The following BLVRA variants were observed in gnomAD, a reference collection of about 807,000 sequenced individuals.
The protein encoded by BLVRA is BVR A.
Under a neutral mutation model 32.8 loss-of-function variants are expected in BLVRA, and 22 were observed. The ratio of observed to expected loss-of-function variants is 0.67; its 90% confidence interval spans 0.48 to 0.96. The LOEUF is 0.96. Ranked by LOEUF, BLVRA falls within the 40% of genes least tolerant of loss-of-function variation. The pLI, the probability that BLVRA is intolerant of heterozygous loss-of-function variation, is 0.00. For missense variants in BLVRA, 323 were observed against 358.1 expected, an observed-to-expected ratio of 0.90 and a Z score of 0.79; for synonymous variants, 119 against 141.3, an observed-to-expected ratio of 0.84 and a Z score of 1.12.
At chr7:43,798,226 A>AAAT (rs1563550433) in intron 5 of BLVRA, among the ~76,000 whole-genome samples, 3 of 141,602 alleles carry the variant, frequency 2.1e-5, no homozygotes, top group African/African-American at 2.6e-5. Context: ...AAAAAAAAAA[A>AAAT]GGAAACGATG....
At chr7:43,793,915 C>A (rs537690169) in intron 5 of BLVRA, among the ~76,000 whole-genome samples, 3 of 150,310 alleles carry the variant, frequency 2.0e-5, no homozygotes, top group Non-Finnish European at 4.4e-5. Context: ...AGTGACCGTG[C>A]CCGGCATACA....
At chr7:43,776,871 G>C (rs1298252042) in intron 2 of BLVRA, among the ~76,000 whole-genome samples, 5 of 152,172 alleles carry the variant, frequency 3.3e-5, no homozygotes, top group Non-Finnish European at 5.9e-5. Flanking sequence ...TCTTCTTGTT[G>C]AATTGATCCC....
chr7:43,771,246 A>C, intron 2 of BLVRA, 76 bp downstream of exon 2: 4 of 1,523,566 alleles, frequency 2.6e-6, no homozygotes, highest in Middle Eastern at 1.7e-4. Context: ...CAGAGTCTCC[A>C]TTCCCTTTCA....
At chr7:43,805,834 C>T (rs1277403840) in intron 7 of BLVRA, among the ~76,000 whole-genome samples, 2 of 152,030 alleles carry the variant, frequency 1.3e-5, no homozygotes, top group African/African-American at 4.8e-5. Flanking sequence ...TGGGCTCAAG[C>T]GATCCACCCA....
At chr7:43,791,541 T>C in intron 4 of BLVRA, 173 bp downstream of exon 4, 2 of 669,496 alleles carry the variant, frequency 3.0e-6, no homozygotes, top group Non-Finnish European at 5.2e-6. Flanking sequence ...TATTGCTGGT[T>C]ATAAATATAT....
chr7:43,800,438 C>A lies in BLVRA; in HGVS notation c.353-27C>A, dbSNP rs372891226. 248 of 1,607,890 alleles carry A rather than the reference C, an allele frequency of 1.5e-4. 1 individual carries two copies. Among genetic ancestry groups the A allele is most frequent in the Non-Finnish European group, 2.1e-4 (243 of 1,174,560 alleles). On this transcript the variant is annotated intron_variant, in intron 5 of 7. Coordinates refer to ENST00000265523, the MANE Select transcript of BLVRA (RefSeq NM_000712.4). ...CACCTAGACACAACTGACGACTGCCCTTTTTATTCCATTTTTGTCGTTACA... is the reference window on the plus strand; with the variant it reads ...CACCTAGACACAACTGACGACTGCCATTTTTATTCCATTTTTGTCGTTACA...
At chr7:43,773,209 A>T (rs2095756610) in intron 2 of BLVRA, among the ~76,000 whole-genome samples, 1 of 152,012 alleles carries the variant, frequency 6.6e-6, no homozygotes, top group Non-Finnish European at 1.5e-5. Context: ...ACATATGTAT[A>T]CATGTGCCAT....
At chr7:43,790,279 A>G (rs981624643) in intron 3 of BLVRA, among the ~76,000 whole-genome samples, 2 of 152,076 alleles carry the variant, frequency 1.3e-5, no homozygotes, top group Admixed American at 6.5e-5. Context: ...ATGCTCTAGA[A>G]GAGTCAGAAG....
At chr7:43,769,910 C>T (rs974650108) in intron 1 of BLVRA, among the ~76,000 whole-genome samples, 1 of 152,166 alleles carries the variant, frequency 6.6e-6, no homozygotes, top group East Asian at 1.9e-4. Context: ...CGCCCAGCTC[C>T]AAAAGCAGGC....
At chr7:43,782,925 A>G (rs1463681339) in intron 2 of BLVRA, among the ~76,000 whole-genome samples, 1 of 151,548 alleles carries the variant, frequency 6.6e-6, no homozygotes, top group Non-Finnish European at 1.5e-5. Context: ...GGGAGTGAAA[A>G]CCAATTGCAG....
At chr7:43,804,768 C>T (rs377127991) in intron 7 of BLVRA, among the ~76,000 whole-genome samples, 2 of 152,338 alleles carry the variant, frequency 1.3e-5, no homozygotes, top group East Asian at 1.9e-4. Flanking sequence ...CCTCCCAAAG[C>T]ACCTGGGCTC....
intron 4 of BLVRA, chr7:43,791,880 T>A (rs1381964853): frequency 5.9e-6 from 1 of 169,280 alleles, no homozygotes; most frequent in African/African-American, 2.4e-5. Flanking sequence ...AGCTTCCTTC[T>A]AGGTTCTTAC....
At position 43,791,336 on chromosome 7, in the gene BLVRA, C is replaced by A. The variant is rs1308258309; in HGVS notation, c.222C>A (p.Cys74Ter). ...SSQEVEVAYI[C>*]SESSSHEDYI... is the part of the protein sequence containing the mutation. ...AAGAGGTGGAGGTCGCCTATATCTG[C>A]AGTGAGAGCTCCAGCCATGAGGACT... The change falls in exon 4 of 8, where the codon TGC becomes TGA. Residue 74 changes from cysteine to a stop codon, truncating the protein, a stop_gained. Transcript: ENST00000265523. LOFTEE classifies it high-confidence loss of function. 1 of 1,614,050 alleles carries A rather than the reference C, an allele frequency of 6.2e-7. No individual in the cohort carries two copies. Among genetic ancestry groups the A allele is most frequent in the Non-Finnish European group, 8.5e-7 (1 of 1,180,044 alleles).
intron 2 of BLVRA, among the ~76,000 whole-genome samples, chr7:43,780,866 G>A (rs2095768284): frequency 6.6e-6 from 1 of 152,202 alleles, no homozygotes; most frequent in Non-Finnish European, 1.5e-5. Context: ...TATACAGTAG[G>A]CTGGGCGCCG....
At chr7:43,803,928 G>A (rs1379035689) in intron 7 of BLVRA, 81 bp downstream of exon 7, 9 of 1,530,782 alleles carry the variant, frequency 5.9e-6, no homozygotes, top group Admixed American at 3.4e-5. Context: ...AGGGAGCCCC[G>A]AGGGGCTAGA....
intron 2 of BLVRA, among the ~76,000 whole-genome samples, chr7:43,785,370 C>A (rs147374608): frequency 8.5e-4 from 128 of 150,236 alleles, no homozygotes; most frequent in African/African-American, 3.1e-3. Context: ...AGACTAGTAA[C>A]CCAAAAAGGA....
intron 2 of BLVRA, among the ~76,000 whole-genome samples, chr7:43,772,495 G>T (rs2095755734): frequency 6.6e-6 from 1 of 152,226 alleles, no homozygotes; most frequent in Non-Finnish European, 1.5e-5. Flanking sequence ...CCCTGCCCCA[G>T]GGCTGGGTGT....
chr7:43,796,868 TAAAC>T (rs1321483457), intron 5 of BLVRA, among the ~76,000 whole-genome samples: 2 of 152,102 alleles, frequency 1.3e-5, no homozygotes, highest in African/African-American at 4.8e-5. Context: ...ACAAACCAAA[TAAAC>T]TGATTTTAAA....
intron 2 of BLVRA, among the ~76,000 whole-genome samples, chr7:43,780,744 C>T (rs1291438150): frequency 2.0e-5 from 3 of 152,224 alleles, no homozygotes; most frequent in Non-Finnish European, 4.4e-5. Flanking sequence ...TCTCTCCATC[C>T]CCATTCTCAC....
Sources: gnomAD v4.1 joint callset for allele counts (sites outside exome capture counted in the v4.1 genomes callset) on GRCh38, gnomAD v4.1.1 for gene constraint, MANE v1.5 for transcripts, NCBI Gene and HGNC (gene_info 2026-07-23, HGNC 2026-07-21) for gene names.